HCN1: variants seen among roughly 807,000 people sequenced by gnomAD.
HCN1 encodes hyperpolarization activated cyclic nucleotide gated potassium channel 1, also known as potassium/sodium hyperpolarization-activated cyclic nucleotide-gated channel 1.
Under a neutral mutation model 78.9 loss-of-function variants are expected in HCN1, and 13 were observed. The ratio of observed to expected loss-of-function variants is 0.16; its 90% CI spans 0.11 to 0.26. The LOEUF (loss-of-function observed/expected upper bound fraction) is 0.26, where lower values mean the gene tolerates loss of function less well. HCN1 is among the 10% of genes least tolerant of loss of function. The probability of loss-of-function intolerance (pLI) is 1.00; values close to 1 mark genes in which losing one functional copy is unlikely to be tolerated. For missense variants in HCN1, 810 were observed against 1,154.3 expected (o/e 0.70, Z 4.32); for synonymous variants, 552 against 455.5 (o/e 1.21, Z -2.70).
chr5:45,291,097 G>T (rs1381722709), intron 6 of HCN1, among the ~76,000 whole-genome samples: 1 of 151,792 alleles, frequency 6.6e-6, no homozygotes, highest in Non-Finnish European at 1.5e-5. Context: ...CAGCCACCGA[G>T]GTCATATCTT....
At position 45,483,774 on chromosome 5, in the gene HCN1, C is replaced by T. The variant is rs114234608; in HGVS notation, c.850-21767G>A. Among the ~76,000 whole-genome samples the T allele has an allele frequency of 8.5e-3, 1,288 of 152,148 alleles. 18 individuals are homozygous for T. Among genetic ancestry groups the T allele is most frequent in the African/African-American group, 0.03 (1,234 of 41,536 alleles). ...GAAGTCTTATATTTAAATCTTTAAT[C>T]CATTTTGAGTTAATTTCTGTATATG... On this transcript the variant is annotated intron_variant, in intron 2 of 7. Transcript: ENST00000303230.
intron 2 of HCN1, among the ~76,000 whole-genome samples, chr5:45,514,454 A>C (rs76007893): frequency 0.033 from 4,977 of 152,216 alleles, 263 homozygotes; most frequent in African/African-American, 0.11. Flanking sequence ...GTAATTCAAA[A>C]CCTTTAAGGA....
At chr5:45,281,983 T>C (rs1440011172) in intron 6 of HCN1, among the ~76,000 whole-genome samples, 1 of 152,172 alleles carries the variant, frequency 6.6e-6, no homozygotes, top group Non-Finnish European at 1.5e-5. Context: ...AGCCACACGT[T>C]TAAATTTTAT....
At chr5:45,644,453 GCCCTCTCAGGTCCCA>G (rs1745507982) in intron 2 of HCN1, 1 of 152,120 alleles carries the variant, frequency 6.6e-6, no homozygotes, top group African/African-American at 2.4e-5. Flanking sequence ...AGTTGGCTGA[GCCCTCTCAGGTCCCA>G]CCCACTGCCT....
chr5:45,315,464 A>T lies in HCN1; in HGVS notation c.1378-11625T>A, dbSNP rs1449298873. 2.6e-5 allele frequency among the ~76,000 whole-genome samples: 4 copies of T among 152,352 alleles called. No individual in the cohort carries two copies. In the East Asian group the frequency reaches 7.7e-4, roughly 29 times the overall value. ...CTAAATGCCCACAAGAGAAAGCAGG[A>T]AAGTTCTAAAATTGACACCCTAACA... On this transcript the variant is annotated intron_variant, in intron 5 of 7. Transcript: ENST00000303230.
At chr5:45,517,885 T>A (rs1416191640) in intron 2 of HCN1, among the ~76,000 whole-genome samples, 1 of 152,074 alleles carries the variant, frequency 6.6e-6, no homozygotes, top group Admixed American at 6.6e-5. Context: ...GGGCTTCTCT[T>A]TATTTGGAAA....
intron 3 of HCN1, among the ~76,000 whole-genome samples, chr5:45,424,118 C>A (rs12523520): frequency 0.82 from 92,284 of 112,774 alleles, 38,456 homozygotes; most frequent in Middle Eastern, 0.9. Context: ...TACTAAAAAT[C>A]CAAAAAAAAA....
chr5:45,324,489 A>T (rs1489319711), intron 5 of HCN1, among the ~76,000 whole-genome samples: 2 of 152,002 alleles, frequency 1.3e-5, no homozygotes, highest in Admixed American at 6.6e-5. Flanking sequence ...GATCATTAAA[A>T]GTCAGGAAAC....
intron 2 of HCN1, among the ~76,000 whole-genome samples, chr5:45,536,185 T>A (rs1252577304): frequency 6.6e-6 from 1 of 152,204 alleles, no homozygotes; most frequent in African/African-American, 2.4e-5. Flanking sequence ...TTTCTTCCTT[T>A]GCATTTATTA....
rs141579489 is a variant in HCN1 at position 45,509,081 on chromosome 5, G to A, written c.850-47074C>T. On this transcript the variant is annotated intron_variant, in intron 2 of 7. Transcript: ENST00000303230. ...ACTTTCAAGTCCTTTAAACATGACT[G>A]ATACACAACATGCTTCCTTCTTTGA... Among the ~76,000 whole-genome samples, 51 of 152,196 alleles carry A rather than the reference G, an allele frequency of 3.4e-4. 1 individual carries two copies. In the East Asian group the frequency reaches 7.7e-3, roughly 23 times the overall value.
chr5:45,483,297 C>T (rs772833491), intron 2 of HCN1, among the ~76,000 whole-genome samples: 1 of 152,096 alleles, frequency 6.6e-6, no homozygotes, highest in Non-Finnish European at 1.5e-5. Flanking sequence ...CTAATAATAG[C>T]CATTCTGACT....
chr5:45,686,236 CT>C (rs879793814), intron 1 of HCN1, among the ~76,000 whole-genome samples: 707 of 142,700 alleles, frequency 5.0e-3, no homozygotes, highest in African/African-American at 0.011. Flanking sequence ...TATGCCCAGT[CT>C]TTTTTTTTTT....
At position 45,293,148 on chromosome 5, in the gene HCN1, C is replaced by A. The variant is rs569475169; in HGVS notation, c.1618+10451G>T. Among the ~76,000 whole-genome samples, 17 of 152,010 alleles carry A rather than the reference C, an allele frequency of 1.1e-4. No individual in the cohort carries two copies. The South Asian group carries it at 3.5e-3, about 32-fold the overall frequency. On this transcript the variant is annotated intron_variant, in intron 6 of 7. Transcript: ENST00000303230. ...TTGCTGGGTTAAACGGTATTTCTGT[C>A]TTTAGGTCTTTGAGGAATTACAACA...
chr5:45,281,583 T>C (rs1022517656), intron 6 of HCN1, among the ~76,000 whole-genome samples: 1 of 126,378 alleles, frequency 7.9e-6, no homozygotes, highest in Non-Finnish European at 1.7e-5. Flanking sequence ...TCTCTTCTTT[T>C]TTTTTTTTTT....
intron 3 of HCN1, among the ~76,000 whole-genome samples, chr5:45,459,194 A>G (rs1741091283): frequency 6.6e-6 from 1 of 152,016 alleles, no homozygotes; most frequent in African/African-American, 2.4e-5. Context: ...ACATGACTCC[A>G]GGAGTTTAAG....
chr5:45,451,606 C>A (rs956550499), intron 3 of HCN1, among the ~76,000 whole-genome samples: 1 of 151,850 alleles, frequency 6.6e-6, no homozygotes, highest in East Asian at 1.9e-4. Flanking sequence ...TAATAATGCC[C>A]ACCATGGAAA....
At position 45,322,991 on chromosome 5, in the gene HCN1, G is replaced by A. The variant is rs115633978; in HGVS notation, c.1378-19152C>T. On this transcript the variant is annotated intron_variant, in intron 5 of 7. Transcript: ENST00000303230. Reference sequence around the variant, plus strand: ...GCACTTGAAACACGGCTAGTGTGAGGGAGGAACTGAGTTTTTAATTTATTT... The same window carrying A: ...GCACTTGAAACACGGCTAGTGTGAGAGAGGAACTGAGTTTTTAATTTATTT... Among the ~76,000 whole-genome samples the A allele has an allele frequency of 2.1e-3, 315 of 151,854 alleles. 2 individuals carry two copies. The highest frequency in any genetic ancestry group is 7.3e-3 in the African/African-American group (301 of 41,490).
intron 5 of HCN1, among the ~76,000 whole-genome samples, chr5:45,346,018 G>C: frequency 6.6e-6 from 1 of 152,228 alleles, no homozygotes; most frequent in East Asian, 1.9e-4. Context: ...AAGCATGGCA[G>C]AAGGGGAAGC....
intron 2 of HCN1, among the ~76,000 whole-genome samples, chr5:45,474,200 A>G (rs1741467632): frequency 6.6e-6 from 1 of 151,856 alleles, no homozygotes; most frequent in Non-Finnish European, 1.5e-5. Flanking sequence ...TTAATTCTAA[A>G]ACCCACAATC....
Sources: gnomAD v4.1 joint callset for allele counts (sites outside exome capture counted in the v4.1 genomes callset) on GRCh38, gnomAD v4.1.1 for gene constraint, MANE v1.5 for transcripts, NCBI Gene and HGNC (gene_info 2026-07-23, HGNC 2026-07-21) for gene names.